TMC6: variants seen among roughly 807,000 people sequenced by gnomAD.
TMC6 encodes the protein transmembrane channel like 6, also known as transmembrane channel-like protein 6.
In TMC6, 71 loss-of-function variants were observed where a neutral mutation model predicts 95.4. The ratio of observed to expected loss-of-function variants is 0.74; its 90% CI spans 0.61 to 0.91. The LOEUF is 0.91. TMC6 is among the 40% of genes least tolerant of loss of function. The pLI is 0.00. For synonymous variants in TMC6, 514 were observed against 483.1 expected (o/e 1.06, Z -0.84); for missense variants, 1,074 against 1,079.1 (o/e 1.00, Z 0.07).
At position 78,119,021 on chromosome 17, in the gene TMC6, G is replaced by C. The variant is rs149053739; in HGVS notation, c.1837C>G (p.Leu613Val). The C allele has an allele frequency of 8.7e-6, 14 of 1,602,520 alleles. No homozygotes were observed. Among genetic ancestry groups the C allele is most frequent in the Non-Finnish European group, 1.2e-5 (14 of 1,175,054 alleles). ...TWLGVLFSPL[L>V]PAVQIIKLLL... Reference sequence around the variant, plus strand: ...AGCTTGATGATCTGCACGGCGGGGAGGAGGGGCGAGAAGAGCACCCCCAGC... The same window carrying C: ...AGCTTGATGATCTGCACGGCGGGGACGAGGGGCGAGAAGAGCACCCCCAGC... Residue 613 changes from leucine (L) to valine (V), a missense_variant, in exon 15 of 20, where the codon CTC becomes GTC. Leu to Val is a conservative substitution (Grantham distance 32). Coordinates refer to ENST00000590602, the MANE Select transcript of TMC6 (RefSeq NM_001127198.5).
chr17:78,126,737 G>A, intron 2 of TMC6, 40 bp downstream of exon 2: 6 of 1,611,836 alleles, frequency 3.7e-6, no homozygotes, highest in South Asian at 1.1e-5. Flanking sequence ...GTGGGGGGTG[G>A]AACATTCCAG....
At chr17:78,131,898 G>A (rs1044475107), upstream of TMC6, 3 of 1,469,506 alleles carry the variant, frequency 2.0e-6, no homozygotes, top group South Asian at 2.7e-5. Context: ...GCGGGAGCCC[G>A]CGGGGGTGCA....
chr17:78,120,994 T>G lies in TMC6; in HGVS notation c.1535+19A>C. ...ATCAGCTCCAGCACCAAATGATGTT[T>G]TCATGTGCGGCCACACACCTGCAGA... is the stretch of plus-strand genomic sequence containing the variant. On this transcript the variant is annotated intron_variant, in intron 12 of 19. Coordinates refer to ENST00000590602, the MANE Select transcript of TMC6 (RefSeq NM_001127198.5). 3 of 1,613,224 alleles carry G rather than the reference T, an allele frequency of 1.9e-6. No homozygotes were observed. Among genetic ancestry groups the G allele is most frequent in the Non-Finnish European group, 2.5e-6 (3 of 1,179,988 alleles).
rs754156105 is a variant in TMC6 at position 78,124,934 on chromosome 17, G to T, written c.588C>A (p.Gly196=). The change falls in exon 7 of 20, where the codon GGC becomes GGA. Residue 196 remains glycine, a synonymous_variant. Transcript: ENST00000590602. ...GCCGGCCACAGCAGGAGCAGACCCCGCCGCTGCCCGGCTGGCCCCTCCACT... is the reference window on the plus strand; with the variant it reads ...GCCGGCCACAGCAGGAGCAGACCCCTCCGCTGCCCGGCTGGCCCCTCCACT... ...RGKWRGQPGS[G]GVCSCCGRLR... 4.4e-6 allele frequency: 7 copies of T among 1,601,684 alleles called. No individual in the cohort carries two copies. Among genetic ancestry groups the T allele is most frequent in the Non-Finnish European group, 6.0e-6 (7 of 1,176,442 alleles).
Position 78,122,663 on chromosome 17 carries a change from T to C in TMC6, c.1169A>G (p.Lys390Arg), listed in dbSNP as rs1408368771. 9 of 1,612,054 alleles carry C rather than the reference T, an allele frequency of 5.6e-6. No homozygotes were observed. The East Asian group carries it at 1.1e-4, about 20-fold the overall frequency. Residue 390 changes from lysine (K) to arginine (R), a missense_variant, in exon 10 of 20, where the codon AAG (lysine) becomes AGG (arginine). Physicochemically the swap from Lys to Arg is conservative, Grantham distance 26 (BLOSUM62 2). Coordinates refer to ENST00000590602, the MANE Select transcript of TMC6 (RefSeq NM_001127198.5). This position sits in a 1 kb window ranked among gnomAD's most constrained non-coding sequence, Gnocchi z 4.9. ...AITVFCSWDY[K>R]VTQKRASRLQ... ...GCGGGAGGCCCGCTTCTGCGTCACC[T>C]TGTAGTCCCAGGAGCAGAAGACGGT...
intron 15 of TMC6, chr17:78,118,205 TC>T: frequency 1.8e-6 from 1 of 559,270 alleles, no homozygotes; most frequent in Non-Finnish European, 3.2e-6. Context: ...CCTCCCTCAG[TC>T]CCCACTGGAA....
At chr17:78,128,781 C>A (rs528430430), upstream of TMC6, 1 of 139,698 alleles carries the variant, frequency 7.2e-6, no homozygotes, top group African/African-American at 2.8e-5. The surrounding 1 kb of genome is among the most constrained non-coding windows in gnomAD (Gnocchi z 4.0). Context: ...GTAGCCGCAC[C>A]TCCCGGCCCA....
intron 8 of TMC6, 92 bp downstream of exon 8, chr17:78,124,432 G>A: frequency 4.4e-6 from 7 of 1,574,756 alleles, no homozygotes; most frequent in Non-Finnish European, 6.0e-6. Context: ...CAAGGGTTGG[G>A]GGCCCCAGGG....
chr17:78,128,773 AGCCGCACCTCCCG>A (rs2074873525), upstream of TMC6: 1 of 92,614 alleles, frequency 1.1e-5, no homozygotes, highest in Non-Finnish European at 2.2e-5. The surrounding 1 kb of genome is among the most constrained non-coding windows in gnomAD (Gnocchi z 4.0). Flanking sequence ...CCGGGGGAGT[AGCCGCACCTCCCG>A]GCCCACGTGG....
At chr17:78,131,605 CGGT>C, upstream of TMC6, 3 of 1,547,724 alleles carry the variant, frequency 1.9e-6, no homozygotes, top group Non-Finnish European at 1.7e-6. Flanking sequence ...CTGCCGCGGT[CGGT>C]GTCATCGGAG....
chr17:78,132,074 C>A (rs1289993620), upstream of TMC6: 1 of 1,534,538 alleles, frequency 6.5e-7, no homozygotes, highest in Admixed American at 2.0e-5. Flanking sequence ...CTCTCTGGAG[C>A]CCCACTGCCC....
Position 78,110,141 on chromosome 17 carries a change from CG to C in TMC6, c.*3006del, listed in dbSNP as rs983311842. ...CCAAATCAACTCAATCAGAATCTCT[CG>C]GGGTGGGCCTCAGGCACCAGTGTTT... is the stretch of plus-strand genomic sequence containing the variant. On this transcript the variant is annotated 3_prime_UTR_variant, in exon 20 of 20. Coordinates refer to ENST00000590602, the MANE Select transcript of TMC6 (RefSeq NM_001127198.5). 5 of 152,934 alleles carry C rather than the reference CG, an allele frequency of 3.3e-5. No homozygotes were observed. The highest frequency in any genetic ancestry group is 1.2e-4 in the African/African-American group (5 of 41,398). 9.5% of individuals were successfully genotyped at this position (152,934 alleles called of 1,614,324 possible). A position where few individuals can be genotyped will look rare whatever the true frequency, so the allele number is the denominator to read the frequency against.
chr17:78,115,460 G>A (rs375961285), intron 18 of TMC6, among the ~76,000 whole-genome samples: 6 of 152,320 alleles, frequency 3.9e-5, no homozygotes, highest in East Asian at 3.9e-4. Context: ...GCAGCAGGAC[G>A]CAAGCCTGGA....
At position 78,122,435 on chromosome 17, in the gene TMC6, C is replaced by G. The variant is rs2074460415; in HGVS notation, c.1227+170G>C. 1 of 974,552 alleles carries G rather than the reference C, an allele frequency of 1.0e-6. No homozygotes were observed. The highest frequency in any genetic ancestry group is 1.7e-5 in the South Asian group (1 of 60,072). 60.4% of individuals were successfully genotyped at this position (974,552 alleles called of 1,614,324 possible). ...TGTGTGCCAGAGAAAAACTCAGGGC[C>G]TGCCCGTCACTGCAAGCAGAAGACC... On this transcript the variant is annotated intron_variant, in intron 10 of 19. Transcript: ENST00000590602. The surrounding 1 kb of genome is among the most constrained non-coding windows in gnomAD (Gnocchi z 4.9).
intron 2 of TMC6, 39 bp from the exon 3 acceptor site, chr17:78,126,687 C>T: frequency 6.2e-7 from 1 of 1,612,294 alleles, no homozygotes; most frequent in Non-Finnish European, 8.5e-7. Context: ...GCTCCAGCCA[C>T]CTCTCTCCTT....
rs752806660 is a variant in TMC6 at position 78,124,149 on chromosome 17, C to T, written c.922G>A (p.Gly308Ser). ...GCFTHTVMYYGHYSNATLNQP... is the reference protein window; with the variant it reads ...GCFTHTVMYYSHYSNATLNQP... ...TTCAGCGTGGCGTTACTGTAGTGGCCGTAGTACATGACGGTGTGGGTGAAG... is the reference window on the plus strand; with the variant it reads ...TTCAGCGTGGCGTTACTGTAGTGGCTGTAGTACATGACGGTGTGGGTGAAG... Residue 308 changes from glycine (G) to serine (S), a missense_variant, in exon 9 of 20, where the codon GGC becomes AGC. Gly to Ser is a moderately conservative substitution (Grantham distance 56). Transcript: ENST00000590602. 56 of 1,612,234 alleles carry T rather than the reference C, an allele frequency of 3.5e-5. No individual in the cohort carries two copies. Among genetic ancestry groups the T allele is most frequent in the South Asian group, 5.5e-5 (5 of 91,058 alleles).
At chr17:78,123,409 G>T (rs2074512492) in intron 9 of TMC6, among the ~76,000 whole-genome samples, 1 of 151,162 alleles carries the variant, frequency 6.6e-6, no homozygotes, top group African/African-American at 2.4e-5. Context: ...ATGGGTGGAT[G>T]AATGGGTGGA....
In TMC6 at chr17:78,122,352, C is replaced by T. The variant is rs979520224; in HGVS notation, c.1227+253G>A. 6.6e-6 allele frequency among the ~76,000 whole-genome samples: 1 copy of T among 152,034 alleles called. No homozygotes were observed. On this transcript the variant is annotated intron_variant, in intron 10 of 19. Coordinates refer to ENST00000590602, the MANE Select transcript of TMC6 (RefSeq NM_001127198.5). The surrounding 1 kb of genome is among the most constrained non-coding windows in gnomAD (Gnocchi z 4.9). ...CTCAGGGCTGGCTCCCGGGTGCCCA[C>T]GGGGCCATGGCGCTACTACGCGCTA...
In TMC6 at chr17:78,109,858, G is replaced by A. The variant is rs530891263; in HGVS notation, c.*3290C>T. Reference sequence around the variant, plus strand: ...GAGGCGGGCGGATCACCTGAGGTCAGGAGTTCAAGACCAGCCTGAGCAACA... The same window carrying A: ...GAGGCGGGCGGATCACCTGAGGTCAAGAGTTCAAGACCAGCCTGAGCAACA... On this transcript the variant is annotated 3_prime_UTR_variant, in exon 20 of 20. Coordinates refer to ENST00000590602, the MANE Select transcript of TMC6 (RefSeq NM_001127198.5). The A allele has an allele frequency of 1.8e-4, 59 of 324,538 alleles. No individual in the cohort carries two copies. Among genetic ancestry groups the A allele is most frequent in the Admixed American group, 3.5e-4 (8 of 22,538 alleles). The allele number at this position is 324,538 out of a possible 1,614,324, so 20.1% of individuals were successfully genotyped here. A position where few individuals can be genotyped will look rare whatever the true frequency, so the allele number is the denominator to read the frequency against.
Sources: gnomAD v4.1 joint callset for allele counts (sites outside exome capture counted in the v4.1 genomes callset) on GRCh38, gnomAD v4.1.1 for gene constraint, Gnocchi (gnomAD v3.1) non-coding constraint, MANE v1.5 for transcripts, NCBI Gene and HGNC (gene_info 2026-07-23, HGNC 2026-07-21) for gene names.